INO80: variants seen among roughly 807,000 people sequenced by gnomAD.
INO80 encodes the protein INO80 complex ATPase subunit.
In INO80, 20 loss-of-function variants were observed where a neutral mutation model predicts 203.4. The observed-to-expected ratio is 0.10, with a 90% CI of 0.07 to 0.14. The LOEUF is 0.14. Ranked by LOEUF, INO80 falls within the 10% of genes least tolerant of loss-of-function variation. INO80 has a pLI of 1.00. For missense variants in INO80, 1,419 were observed against 1,914.4 expected (o/e 0.74, Z 4.83); for synonymous variants, 726 against 685.2 (o/e 1.06, Z -0.93).
rs185450538 is a variant in INO80, at chr15:41,025,364, G to T, written c.3048+2232C>A. On this transcript the variant is annotated intron_variant, in intron 25 of 35. Transcript: ENST00000648947. ...AGTGGTAAAAAATGAAGAACTTTCA[G>T]GTCAACAAATAAATACAATTACAGG... 9.2e-5 allele frequency among the ~76,000 whole-genome samples: 14 copies of T among 152,184 alleles called. No homozygotes were observed. The East Asian group carries it at 2.7e-3, about 29-fold the overall frequency.
intron 29 of INO80, among the ~76,000 whole-genome samples, chr15:40,988,591 C>CA (rs1465203353): frequency 6.6e-6 from 1 of 151,440 alleles, no homozygotes; most frequent in African/African-American, 2.4e-5. Context: ...GTCTCAAAAA[C>CA]AAAACAGGTC....
intron 31 of INO80, 132 bp from the exon 32 acceptor site, chr15:40,985,558 C>T: frequency 1.4e-6 from 1 of 707,074 alleles, no homozygotes; most frequent in Non-Finnish European, 2.5e-6. Context: ...AGGCAGATAA[C>T]CAGTGGTTTT....
chr15:40,982,997 T>C lies in INO80; in HGVS notation c.4318A>G (p.Thr1440Ala). ...CGGCCCTTCCCTGCTCCTTTGGCTG[T>C]GCTTCCTGAACCTTTGGGGCGGCCT... ...SRGRPKGSGSTAKGAGKGRSR... is the reference protein window; with the variant it reads ...SRGRPKGSGSAAKGAGKGRSR... Residue 1440 changes from threonine (T) to alanine (A), a missense_variant, in exon 35 of 36, where the codon ACA becomes GCA. Thr to Ala is a moderately conservative substitution (Grantham distance 58). This residue lies in a region of INO80 where 214 missense variants were observed against 248.9 expected (regional missense o/e 0.86). Coordinates refer to ENST00000648947, the MANE Select transcript of INO80 (RefSeq NM_017553.3). 1 of 1,614,134 alleles carries C rather than the reference T, an allele frequency of 6.2e-7. No individual in the cohort carries two copies. The highest frequency in any genetic ancestry group is 1.1e-5 in the South Asian group (1 of 91,090).
At chr15:41,069,148 G>A (rs1018807952) in intron 14 of INO80, among the ~76,000 whole-genome samples, 1 of 151,946 alleles carries the variant, frequency 6.6e-6, no homozygotes, top group Non-Finnish European at 1.5e-5. Context: ...TTTTTGTGAC[G>A]GAAGGAGTCT....
rs1473257458 is a variant in INO80, at chr15:41,116,051, C to T, written c.-122G>A. The T allele has an allele frequency of 1.5e-5, 6 of 395,010 alleles. No individual in the cohort carries two copies. The highest frequency in any genetic ancestry group is 2.7e-5 in the Non-Finnish European group (6 of 223,842). The allele number at this position is 395,010 out of a possible 1,614,324, so 24.5% of individuals were successfully genotyped here. On this transcript the variant is annotated 5_prime_UTR_variant, in exon 1 of 36. Coordinates refer to ENST00000648947, the MANE Select transcript of INO80 (RefSeq NM_017553.3). ...GGGCGGGGTCCGGAGGGGGGGGTCGCCCCGCCGACGGTGGAGCCGCGGTTC... is the reference window on the plus strand; with the variant it reads ...GGGCGGGGTCCGGAGGGGGGGGTCGTCCCGCCGACGGTGGAGCCGCGGTTC...
intron 1 of INO80, among the ~76,000 whole-genome samples, chr15:41,102,548 T>C (rs1261643170): frequency 6.6e-6 from 1 of 151,890 alleles, no homozygotes; most frequent in East Asian, 1.9e-4. Flanking sequence ...GGTTTGCCTG[T>C]AGTCCCAGCA....
At chr15:40,998,128 TCTC>T (rs2043906265) in intron 28 of INO80, among the ~76,000 whole-genome samples, 1 of 150,396 alleles carries the variant, frequency 6.6e-6, no homozygotes, top group African/African-American at 2.4e-5. Flanking sequence ...TTCAAGCAAT[TCTC>T]CTGCCTCAGC....
At position 41,040,675 on chromosome 15, in the gene INO80, G is replaced by A. The variant is rs185573479; in HGVS notation, c.2907+4229C>T. 3.9e-5 allele frequency among the ~76,000 whole-genome samples: 6 copies of A among 152,112 alleles called. No homozygotes were observed. The East Asian group carries it at 7.7e-4, about 20-fold the overall frequency. On this transcript the variant is annotated intron_variant, in intron 24 of 35. Coordinates refer to ENST00000648947, the MANE Select transcript of INO80 (RefSeq NM_017553.3). Reference sequence around the variant, plus strand: ...TTGTTTGAGGCCAGAGTTCGAGGCCGGCCTGAACAACACAGCAAACCTAAC... The same window carrying A: ...TTGTTTGAGGCCAGAGTTCGAGGCCAGCCTGAACAACACAGCAAACCTAAC...
Position 40,983,630 on chromosome 15 carries a change from C to T in INO80, c.4237+132G>A, listed in dbSNP as rs529586185. On this transcript the variant is annotated intron_variant, in intron 34 of 35. Coordinates refer to ENST00000648947, the MANE Select transcript of INO80 (RefSeq NM_017553.3). The stretch of plus-strand genomic sequence containing the variant: ...TTTTGCTTTCCCTAAACCTCGTTTT[C>T]TCATTTCACTTGACAAAGCTATTGA... 3.2e-3 allele frequency: 2,523 copies of T among 783,118 alleles called. 14 individuals carry two copies. The highest frequency in any genetic ancestry group is 0.011 in the South Asian group (488 of 42,740). 48.5% of individuals were successfully genotyped at this position (783,118 alleles called of 1,614,324 possible).
chr15:41,096,078 A>C, intron 2 of INO80, 90 bp downstream of exon 2: 1 of 1,442,616 alleles, frequency 6.9e-7, no homozygotes, highest in Non-Finnish European at 9.3e-7. Flanking sequence ...CAAACATAAA[A>C]ATCATAAGAT....
At position 40,979,657 on chromosome 15, in the gene INO80, T is replaced by G. The variant is rs932725119; in HGVS notation, c.*566A>C. ...GCCTGTGGATAGACTTCCTCTAGCC[T>G]CTACCATGCTTAGCGGCCTCCACCA... On this transcript the variant is annotated 3_prime_UTR_variant, in exon 36 of 36. Coordinates refer to ENST00000648947, the MANE Select transcript of INO80 (RefSeq NM_017553.3). The G allele has an allele frequency of 6.3e-6, 1 of 159,324 alleles. No individual in the cohort carries two copies. The highest frequency in any genetic ancestry group is 2.4e-5 in the African/African-American group (1 of 41,458). The allele number at this position is 159,324 out of a possible 1,614,324, so 9.9% of individuals were successfully genotyped here. A position where few individuals can be genotyped will look rare whatever the true frequency, so the allele number is the denominator to read the frequency against.
chr15:41,061,033 G>A (rs1235762772), intron 14 of INO80, among the ~76,000 whole-genome samples: 1 of 152,216 alleles, frequency 6.6e-6, no homozygotes, highest in African/African-American at 2.4e-5. Context: ...TTGGCCAGGA[G>A]TAGTGGCTCA....
chr15:41,114,984 T>C (rs1420499180), intron 1 of INO80, among the ~76,000 whole-genome samples: 1 of 152,074 alleles, frequency 6.6e-6, no homozygotes, highest in Non-Finnish European at 1.5e-5. Flanking sequence ...TTTCAGAAAA[T>C]TACTTAATTA....
At chr15:41,049,652 G>A (rs986140028) in intron 20 of INO80, among the ~76,000 whole-genome samples, 2 of 152,168 alleles carry the variant, frequency 1.3e-5, no homozygotes, top group South Asian at 2.1e-4. Context: ...TTGGGAGGCC[G>A]AGGCGGGTGG....
intron 1 of INO80, among the ~76,000 whole-genome samples, chr15:41,112,079 T>G (rs547060986): frequency 6.6e-6 from 1 of 152,054 alleles, no homozygotes; most frequent in South Asian, 2.1e-4. Flanking sequence ...AATTTTATTT[T>G]CTGTAGAGAT....
chr15:41,052,857 CA>C lies in INO80; in HGVS notation c.2274+1071del, dbSNP rs886971015. Among the ~76,000 whole-genome samples the C allele has an allele frequency of 6.2e-3, 582 of 93,544 alleles. 1 individual carries two copies. Among genetic ancestry groups the C allele is most frequent in the South Asian group, 0.019 (52 of 2,738 alleles). 61.4% of individuals were successfully genotyped at this position (93,544 alleles called of 152,430 possible). A position where few individuals can be genotyped will look rare whatever the true frequency, so the allele number is the denominator to read the frequency against. On this transcript the variant is annotated intron_variant, in intron 19 of 35. Coordinates refer to ENST00000648947, the MANE Select transcript of INO80 (RefSeq NM_017553.3). The stretch of plus-strand genomic sequence containing the variant: ...GGGAACATGGCAAAACTGGTCGCTA[CA>C]AAAAAAAAAAAAAAAAATACAAAAA...
intron 24 of INO80, among the ~76,000 whole-genome samples, chr15:41,042,717 G>A (rs1222501542): frequency 2.6e-5 from 4 of 152,078 alleles, no homozygotes; most frequent in South Asian, 2.1e-4. Context: ...CAAGGGATCC[G>A]CCTGCCTCGG....
intron 18 of INO80, 24 bp from the exon 19 acceptor site, chr15:41,054,038 A>G (rs1292076920): frequency 6.3e-7 from 1 of 1,574,826 alleles, no homozygotes; most frequent in Non-Finnish European, 8.7e-7. Context: ...AGGCCCCCAA[A>G]TAATACATTA....
chr15:41,052,400 C>T (rs1406005005), intron 19 of INO80, among the ~76,000 whole-genome samples: 2 of 151,820 alleles, frequency 1.3e-5, no homozygotes, highest in African/African-American at 4.8e-5. Flanking sequence ...AAGTCCAGCA[C>T]GGTGGCTCAT....
Sources: gnomAD v4.1 joint callset for allele counts (sites outside exome capture counted in the v4.1 genomes callset) on GRCh38, gnomAD v4.1.1 for gene constraint, gnomAD v4.1.1 regional missense constraint, MANE v1.5 for transcripts, NCBI Gene and HGNC (gene_info 2026-07-23, HGNC 2026-07-21) for gene names.